Variants in RANBP3L observed in about 807,000 individuals in gnomAD.
RANBP3L encodes the protein RAN binding protein 3 like.
RANBP3L carries 56 observed loss-of-function variants against 67.2 expected under a neutral mutation model. The observed-to-expected ratio is 0.83, with a 90% CI of 0.67 to 1.04. RANBP3L has a LOEUF of 1.04. Among genes scored for constraint, RANBP3L ranks in the 50% least tolerant of loss-of-function variants. The pLI, the probability that RANBP3L is intolerant of heterozygous loss-of-function variation, is 0.00. For missense variants in RANBP3L, 496 were observed against 535.5 expected (o/e 0.93, Z 0.73); for synonymous variants, 164 against 181.4 (o/e 0.90, Z 0.77).
At chr5:36,273,878 T>C (rs1256802999) in intron 1 of RANBP3L, among the ~76,000 whole-genome samples, 1 of 152,290 alleles carries the variant, frequency 6.6e-6, no homozygotes, top group East Asian at 1.9e-4. Flanking sequence ...TCTTATAAAT[T>C]CTGCCTAAAG....
intron 4 of RANBP3L, chr5:36,268,234 G>A (rs1397435928): frequency 3.9e-6 from 6 of 1,538,440 alleles, no homozygotes; most frequent in Admixed American, 2.0e-5. Flanking sequence ...AGTGACGGAT[G>A]AACATCTCAT....
Position 36,271,269 on chromosome 5 carries a change from C to T in RANBP3L, c.134G>A (p.Gly45Glu), listed in dbSNP as rs1750189371. ...IAQPIFVFEK[G>E]EQTFKRPAED... Reference sequence around the variant, plus strand: ...CAATCTTACCTTAAAAGTTTGTTCTCCCTTTTCAAAAACAAATATGGGTTG... The same window carrying T: ...CAATCTTACCTTAAAAGTTTGTTCTTCCTTTTCAAAAACAAATATGGGTTG... Residue 45 changes from glycine (G) to glutamate (E), a missense_variant, in exon 2 of 14, where the codon GGA becomes GAA. Gly to Glu is a moderately conservative substitution (Grantham distance 98). Transcript: ENST00000296604. The T allele has an allele frequency of 1.3e-6, 2 of 1,575,358 alleles. No individual in the cohort carries two copies. Among genetic ancestry groups the T allele is most frequent in the African/African-American group, 2.7e-5 (2 of 73,926 alleles).
intron 1 of RANBP3L, among the ~76,000 whole-genome samples, chr5:36,286,388 T>C (rs1751326547): frequency 6.6e-6 from 1 of 152,160 alleles, no homozygotes; most frequent in South Asian, 2.1e-4. Context: ...AACTGCTCTT[T>C]CCTCTCCCCT....
rs114685845 is a variant in RANBP3L, at chr5:36,285,927, G to A, written c.92-14616C>T. 7.8e-3 allele frequency among the ~76,000 whole-genome samples: 1,189 copies of A among 152,238 alleles called. 16 individuals are homozygous for A. Among genetic ancestry groups the A allele is most frequent in the African/African-American group, 0.027 (1,107 of 41,532 alleles). On this transcript the variant is annotated intron_variant, in intron 1 of 13. Transcript: ENST00000296604. ...CAACCTGGACAGAAGAATCTGGCAA[G>A]ACCTGTACCCTGTACTTTTAAGTAC...
At chr5:36,279,606 C>A (rs1041382650) in intron 1 of RANBP3L, among the ~76,000 whole-genome samples, 3 of 152,108 alleles carry the variant, frequency 2.0e-5, no homozygotes, top group Admixed American at 2.0e-4. Context: ...TGAATGGATC[C>A]TGCTGAAACG....
chr5:36,257,928 G>A (rs531092853), intron 8 of RANBP3L, among the ~76,000 whole-genome samples: 6 of 152,090 alleles, frequency 3.9e-5, no homozygotes, highest in South Asian at 2.1e-4. Context: ...CTTTGAACTC[G>A]GGAGTTAAAA....
At chr5:36,264,323 T>A (rs1749602413) in intron 6 of RANBP3L, among the ~76,000 whole-genome samples, 1 of 152,216 alleles carries the variant, frequency 6.6e-6, no homozygotes, top group Non-Finnish European at 1.5e-5. Context: ...TCCTCCTGTG[T>A]CTGCTTCTGC....
In RANBP3L at chr5:36,278,966, G is replaced by A. The variant is rs186117590; in HGVS notation, c.92-7655C>T. The stretch of plus-strand genomic sequence containing the variant: ...TCATTGCTGCAAAGCAAAAATTTAA[G>A]CTGGAAGCATAAACTACATCAAAAA... On this transcript the variant is annotated intron_variant, in intron 1 of 13. Transcript: ENST00000296604. Among the ~76,000 whole-genome samples, 18 of 152,208 alleles carry A rather than the reference G, an allele frequency of 1.2e-4. No homozygotes were observed. The East Asian group carries it at 3.5e-3, about 29-fold the overall frequency.
intron 1 of RANBP3L, among the ~76,000 whole-genome samples, chr5:36,287,295 C>T (rs1213009591): frequency 6.6e-6 from 1 of 152,176 alleles, no homozygotes; most frequent in East Asian, 1.9e-4. Flanking sequence ...CCTGTTTGCA[C>T]TATATATTTT....
At chr5:36,291,523 A>G (rs1265190657) in intron 1 of RANBP3L, among the ~76,000 whole-genome samples, 6 of 152,044 alleles carry the variant, frequency 3.9e-5, no homozygotes, top group African/African-American at 9.7e-5. Flanking sequence ...AGCATTAGGT[A>G]TATCTTCCAA....
chr5:36,291,191 G>A (rs555684731), intron 1 of RANBP3L, among the ~76,000 whole-genome samples: 8 of 151,972 alleles, frequency 5.3e-5, no homozygotes, highest in African/African-American at 1.9e-4. Context: ...CTGAAACCCT[G>A]TACCATTAAA....
At chr5:36,264,833 T>C in intron 6 of RANBP3L, 126 bp downstream of exon 6, 1 of 777,496 alleles carries the variant, frequency 1.3e-6, no homozygotes. Context: ...AAGGGCTTTA[T>C]GCTATCTAGC....
At chr5:36,297,990 A>T (rs180820861) in intron 1 of RANBP3L, among the ~76,000 whole-genome samples, 243 of 152,226 alleles carry the variant, frequency 1.6e-3, no homozygotes, top group Non-Finnish European at 2.6e-3. Flanking sequence ...AGCATATGGC[A>T]TGGGGGGTTA....
At chr5:36,252,604 A>G (rs1748673960) in intron 12 of RANBP3L, among the ~76,000 whole-genome samples, 1 of 152,086 alleles carries the variant, frequency 6.6e-6, no homozygotes, top group Non-Finnish European at 1.5e-5. Context: ...ATTCTTACAC[A>G]CAGTTGTATG....
In RANBP3L at chr5:36,301,523, C is replaced by T; in HGVS notation, c.-107G>A. The T allele has an allele frequency of 1.3e-6, 1 of 748,332 alleles. No individual in the cohort carries two copies. Among genetic ancestry groups the T allele is most frequent in the Non-Finnish European group, 2.3e-6 (1 of 426,994 alleles). 46.4% of individuals were successfully genotyped at this position (748,332 alleles called of 1,614,324 possible). ...ACACCCAGAAATACATAGATTCATG[C>T]AGATCTTGTCTTTGCATGTACAACA... On this transcript the variant is annotated 5_prime_UTR_variant, in exon 1 of 14. Coordinates refer to ENST00000296604, the MANE Select transcript of RANBP3L (RefSeq NM_145000.5).
intron 1 of RANBP3L, among the ~76,000 whole-genome samples, chr5:36,282,532 A>G (rs1157193927): frequency 2.6e-5 from 4 of 152,218 alleles, no homozygotes; most frequent in Admixed American, 6.5e-5. Flanking sequence ...GATTCCAAGG[A>G]CACAGGCCGG....
Position 36,284,751 on chromosome 5 carries a change from C to T in RANBP3L, c.92-13440G>A, listed in dbSNP as rs544509558. Reference sequence around the variant, plus strand: ...GCTAGCCTAATCAGTAAGCCACTTGCTCTGAGCTGCTAGGTGTGCACTGAT... The same window carrying T: ...GCTAGCCTAATCAGTAAGCCACTTGTTCTGAGCTGCTAGGTGTGCACTGAT... On this transcript the variant is annotated intron_variant, in intron 1 of 13. Coordinates refer to ENST00000296604, the MANE Select transcript of RANBP3L (RefSeq NM_145000.5). Among the ~76,000 whole-genome samples, 20 of 152,330 alleles carry T rather than the reference C, an allele frequency of 1.3e-4. 1 individual carries two copies. The South Asian group carries it at 4.1e-3, about 32-fold the overall frequency.
intron 4 of RANBP3L, among the ~76,000 whole-genome samples, chr5:36,266,821 AC>A (rs1279473482): frequency 6.6e-6 from 1 of 151,328 alleles, no homozygotes; most frequent in Admixed American, 6.6e-5. Flanking sequence ...CAGTGGCATG[AC>A]CTTGGCTCAC....
intron 3 of RANBP3L, 118 bp downstream of exon 3, chr5:36,269,833 T>TTTAAAAAA: frequency 1.1e-6 from 1 of 888,318 alleles, no homozygotes; most frequent in Admixed American, 1.8e-5. Flanking sequence ...TACTGGCATA[T>TTTAAAAAA]TTAAAAAAAG....
Sources: allele counts gnomAD v4.1 joint callset (sites outside exome capture counted in the v4.1 genomes callset), GRCh38; gene constraint gnomAD v4.1.1; transcripts MANE v1.5; gene names NCBI Gene and HGNC (gene_info 2026-07-23, HGNC 2026-07-21).